Variants in MBNL1 observed in about 807,000 individuals in gnomAD.
MBNL1 encodes muscleblind like splicing regulator 1.
Under a neutral mutation model 42.2 loss-of-function variants are expected in MBNL1, and 8 were observed. That is an observed-to-expected ratio of 0.19 (90% CI 0.11 to 0.34). The LOEUF is 0.34. Ranked by LOEUF, MBNL1 falls within the 10% of genes least tolerant of loss-of-function variation. The pLI is 1.00. For missense variants in MBNL1, 309 were observed against 495.3 expected (o/e 0.62, Z 3.57); for synonymous variants, 169 against 173.9 (o/e 0.97, Z 0.22).
chr3:152,430,992 C>A (rs1462165366), intron 3 of MBNL1, among the ~76,000 whole-genome samples: 2 of 152,138 alleles, frequency 1.3e-5, no homozygotes, highest in African/African-American at 4.8e-5. Flanking sequence ...ATTGTTTCTT[C>A]TCAATGAATC....
At chr3:152,291,033 A>G (rs545409583) in intron 1 of MBNL1, among the ~76,000 whole-genome samples, 6 of 152,300 alleles carry the variant, frequency 3.9e-5, no homozygotes, top group Middle Eastern at 3.4e-3. Context: ...ATTTTGAAAT[A>G]TTAAATGATA....
At chr3:152,270,387 G>C (rs543737537) in intron 1 of MBNL1, among the ~76,000 whole-genome samples, 33 of 152,278 alleles carry the variant, frequency 2.2e-4, no homozygotes, top group African/African-American at 7.9e-4. Context: ...TGGACACTAT[G>C]TCCCTTCCTC....
intron 5 of MBNL1, chr3:152,446,774 C>T (rs1348442389): frequency 1.2e-6 from 2 of 1,607,078 alleles, no homozygotes; most frequent in Non-Finnish European, 1.7e-6. Flanking sequence ...TGACCTTTCA[C>T]CTTTTAGCTT....
chr3:152,340,565 C>G, intron 2 of MBNL1: 1 of 1,613,146 alleles, frequency 6.2e-7, no homozygotes, highest in Non-Finnish European at 8.5e-7. Context: ...ATAGCTACAA[C>G]TGACAGGATC....
chr3:152,387,284 C>T (rs111653281), intron 2 of MBNL1, among the ~76,000 whole-genome samples: 43 of 147,046 alleles, frequency 2.9e-4, no homozygotes, highest in African/African-American at 1.0e-3. Flanking sequence ...TATATCACTG[C>T]GGTAGCATAA....
intron 2 of MBNL1, among the ~76,000 whole-genome samples, chr3:152,351,352 A>G (rs957755281): frequency 2.6e-5 from 4 of 152,218 alleles, no homozygotes; most frequent in African/African-American, 9.6e-5. Flanking sequence ...TCCCTTGATT[A>G]GAATAGTTGG....
At chr3:152,400,343 C>T (rs1020010147) in intron 2 of MBNL1, among the ~76,000 whole-genome samples, 3 of 152,122 alleles carry the variant, frequency 2.0e-5, no homozygotes, top group Admixed American at 1.3e-4. Flanking sequence ...TTAACTTGAG[C>T]TTAAGCAACT....
chr3:152,303,720 T>TA (rs1257297763), intron 2 of MBNL1, among the ~76,000 whole-genome samples: 1 of 152,084 alleles, frequency 6.6e-6, no homozygotes, highest in African/African-American at 2.4e-5. Context: ...GCCAAGTTAT[T>TA]TATACCCTCA....
intron 3 of MBNL1, among the ~76,000 whole-genome samples, chr3:152,423,584 G>A (rs995649717): frequency 3.3e-5 from 5 of 152,180 alleles, no homozygotes; most frequent in Non-Finnish European, 7.3e-5. Flanking sequence ...CTCATTTTGT[G>A]AGGCCAGCAT....
At chr3:152,332,692 TTGTG>T (rs71144115) in intron 2 of MBNL1, among the ~76,000 whole-genome samples, 10,343 of 132,868 alleles carry the variant, frequency 0.078, 421 homozygotes, top group South Asian at 0.11. Flanking sequence ...TTTCATGGTT[TTGTG>T]TGTGTGTGTG....
intron 2 of MBNL1, among the ~76,000 whole-genome samples, chr3:152,326,576 A>C (rs546468167): frequency 1.3e-5 from 2 of 152,194 alleles, no homozygotes; most frequent in East Asian, 3.9e-4. Flanking sequence ...GTTTATTATC[A>C]AGAATTTTTT....
intron 1 of MBNL1, among the ~76,000 whole-genome samples, chr3:152,277,286 C>T (rs1014168479): frequency 6.6e-6 from 1 of 152,056 alleles, no homozygotes; most frequent in African/African-American, 2.4e-5. Context: ...CAACGTTAGG[C>T]CTATTTTGTT....
At chr3:152,381,194 A>G (rs183246584) in intron 2 of MBNL1, among the ~76,000 whole-genome samples, 47 of 152,210 alleles carry the variant, frequency 3.1e-4, no homozygotes, top group African/African-American at 1.1e-3. Context: ...CTTGTAACAA[A>G]GACTGGATTG....
chr3:152,246,692 T>C (rs140162894), intron 2 of MBNL1, among the ~76,000 whole-genome samples: 1 of 152,184 alleles, frequency 6.6e-6, no homozygotes, highest in African/African-American at 2.4e-5. Context: ...GAAGTTTTCA[T>C]TGAATCTAAT....
chr3:152,338,485 G>A (rs1214221288), intron 2 of MBNL1: 1 of 985,370 alleles, frequency 1.0e-6, no homozygotes, highest in African/African-American at 1.7e-5. Flanking sequence ...GGCTTCCCAA[G>A]CTTTGGCTGT....
intron 2 of MBNL1, among the ~76,000 whole-genome samples, chr3:152,397,756 G>C (rs1218632610): frequency 6.6e-6 from 1 of 152,060 alleles, no homozygotes; most frequent in Non-Finnish European, 1.5e-5. Context: ...TGTGTGTCAT[G>C]TGAGCTCCAG....
At chr3:152,346,734 T>C (rs527806628) in intron 2 of MBNL1, among the ~76,000 whole-genome samples, 11 of 152,206 alleles carry the variant, frequency 7.2e-5, no homozygotes, top group Non-Finnish European at 1.3e-4. Context: ...GCATTCTCAA[T>C]TTAAAACACT....
intron 2 of MBNL1, among the ~76,000 whole-genome samples, chr3:152,314,219 C>G (rs2068954524): frequency 6.6e-6 from 1 of 151,674 alleles, no homozygotes; most frequent in Admixed American, 6.6e-5. Flanking sequence ...CTTAATTGGT[C>G]AAATATCTAC....
intron 2 of MBNL1, among the ~76,000 whole-genome samples, chr3:152,379,520 T>G (rs2097085989): frequency 6.6e-6 from 1 of 152,220 alleles, no homozygotes; most frequent in African/African-American, 2.4e-5. Flanking sequence ...TTCATTAAAT[T>G]AAAGCACTTC....
Sources: allele counts gnomAD v4.1 joint callset (sites outside exome capture counted in the v4.1 genomes callset), GRCh38; gene constraint gnomAD v4.1.1; transcripts MANE v1.5; gene names NCBI Gene and HGNC (gene_info 2026-07-23, HGNC 2026-07-21).